Variants in WDFY4 observed in about 807,000 individuals in gnomAD.
The protein encoded by WDFY4 is WD repeat- and FYVE domain-containing protein 4.
WDFY4 carries 169 observed loss-of-function variants against 351.9 expected under a neutral mutation model. The observed-to-expected ratio is 0.48, with a 90% CI of 0.42 to 0.55. The LOEUF (loss-of-function observed/expected upper bound fraction) is 0.55, where lower values mean the gene tolerates loss of function less well. Ranked by LOEUF, WDFY4 falls within the 20% of genes least tolerant of loss-of-function variation. The pLI, the probability that WDFY4 is intolerant of heterozygous loss-of-function variation, is 0.00. For missense variants in WDFY4, 3,803 were observed against 3,935.6 expected (o/e 0.97, Z 0.90); for synonymous variants, 1,622 against 1,574.6 (o/e 1.03, Z -0.71).
chr10:48,819,455 G>A (rs973824238), intron 32 of WDFY4, among the ~76,000 whole-genome samples: 1 of 152,084 alleles, frequency 6.6e-6, no homozygotes. Flanking sequence ...AATTAAGAAC[G>A]GCCGCATTAA....
At chr10:48,687,447 A>G (rs188173692) in intron 1 of WDFY4, among the ~76,000 whole-genome samples, 88 of 152,180 alleles carry the variant, frequency 5.8e-4, no homozygotes, top group Middle Eastern at 3.4e-3. Context: ...TTATTCTCAT[A>G]TTATTTTCAA....
chr10:48,855,587 A>T (rs2133197704), intron 39 of WDFY4, among the ~76,000 whole-genome samples: 1 of 152,240 alleles, frequency 6.6e-6, no homozygotes, highest in South Asian at 2.1e-4. Context: ...TGGCTTATGT[A>T]TATTTTATCT....
chr10:48,936,238 C>T (rs1364540015), intron 47 of WDFY4, among the ~76,000 whole-genome samples: 2 of 151,952 alleles, frequency 1.3e-5, no homozygotes, highest in Non-Finnish European at 2.9e-5. Flanking sequence ...CTAACTATAA[C>T]ATTTTTTAAT....
At chr10:48,775,037 G>A (rs551945319) in intron 14 of WDFY4, among the ~76,000 whole-genome samples, 1 of 152,200 alleles carries the variant, frequency 6.6e-6, no homozygotes, top group East Asian at 1.9e-4. Flanking sequence ...TAGGGAGTTG[G>A]GCAGTAAGCA....
At chr10:48,726,195 T>G in intron 6 of WDFY4, 125 bp downstream of exon 6, 1 of 1,158,602 alleles carries the variant, frequency 8.6e-7, no homozygotes, top group South Asian at 1.7e-5. Context: ...TCTTATAGAA[T>G]TTTGGGACCA....
intron 47 of WDFY4, among the ~76,000 whole-genome samples, chr10:48,939,134 A>G (rs1158835615): frequency 6.6e-6 from 1 of 152,184 alleles, no homozygotes; most frequent in Non-Finnish European, 1.5e-5. Context: ...CAGGTTGCAC[A>G]ATTCTAAGGT....
chr10:48,728,435 A>C (rs534938756), intron 7 of WDFY4, among the ~76,000 whole-genome samples: 1 of 152,266 alleles, frequency 6.6e-6, no homozygotes, highest in Non-Finnish European at 1.5e-5. Flanking sequence ...GATCTTGGGG[A>C]AGCTGCTATA....
At chr10:48,963,781 C>T in intron 53 of WDFY4, 61 bp from the exon 54 acceptor site, 2 of 1,484,138 alleles carry the variant, frequency 1.3e-6, no homozygotes, top group South Asian at 2.5e-5. Flanking sequence ...CCAATCTGTG[C>T]AGCGAGTGCA....
chr10:48,717,068 C>T (rs184480857), intron 2 of WDFY4, among the ~76,000 whole-genome samples: 4 of 152,322 alleles, frequency 2.6e-5, no homozygotes, highest in Non-Finnish European at 5.9e-5. Flanking sequence ...TCTTAAACTC[C>T]GGCTAAGCCT....
At chr10:48,812,192 T>C (rs1334390792) in intron 30 of WDFY4, among the ~76,000 whole-genome samples, 1 of 148,670 alleles carries the variant, frequency 6.7e-6, no homozygotes, top group Non-Finnish European at 1.5e-5. Flanking sequence ...TTTTTTTTGT[T>C]TTTTTTGTTT....
intron 51 of WDFY4, among the ~76,000 whole-genome samples, chr10:48,947,971 G>A (rs1270775743): frequency 1.3e-5 from 2 of 152,168 alleles, no homozygotes; most frequent in Non-Finnish European, 2.9e-5. Flanking sequence ...GGTATCCCAA[G>A]AACTGTGAGT....
At chr10:48,878,656 A>G (rs2070125816) in intron 43 of WDFY4, 1 of 152,508 alleles carries the variant, frequency 6.6e-6, no homozygotes, top group Non-Finnish European at 1.5e-5. Context: ...GACCCCTGCA[A>G]CTGACTCTCT....
rs1427266198 is a variant in WDFY4 at position 48,967,914 on chromosome 10, A to T, written c.8585-1150A>T. 3 of 152,368 alleles carry T rather than the reference A, an allele frequency of 2.0e-5. No homozygotes were observed. In the East Asian group the frequency reaches 5.8e-4, roughly 29 times the overall value. 9.4% of individuals were successfully genotyped at this position (152,368 alleles called of 1,614,324 possible). On this transcript the variant is annotated intron_variant, in intron 55 of 61. Coordinates refer to ENST00000325239, the MANE Select transcript of WDFY4 (RefSeq NM_001394531.1). ...ACCCCACCCTGGTAGATAAGGTGCT[A>T]CTGCTCTTGGCTCTGGGGACCATGC...
At chr10:48,698,662 C>T (rs938035522) in intron 1 of WDFY4, among the ~76,000 whole-genome samples, 5 of 152,222 alleles carry the variant, frequency 3.3e-5, no homozygotes, top group African/African-American at 1.2e-4. Context: ...TGCTTTGCCT[C>T]ATGCTTCTAA....
intron 54 of WDFY4, among the ~76,000 whole-genome samples, chr10:48,964,315 A>T (rs1226488712): frequency 6.6e-6 from 1 of 152,236 alleles, no homozygotes; most frequent in Non-Finnish European, 1.5e-5. Context: ...ATATGTGGTA[A>T]CTAATTACTT....
intron 12 of WDFY4, among the ~76,000 whole-genome samples, chr10:48,748,466 C>CGT (rs968617381): frequency 6.6e-6 from 1 of 151,996 alleles, no homozygotes; most frequent in East Asian, 1.9e-4. Flanking sequence ...TGTGCACACA[C>CGT]GTGTGTGTGT....
At position 48,790,897 on chromosome 10, in the gene WDFY4, C is replaced by A; in HGVS notation, c.4237C>A (p.Gln1413Lys). 1 of 1,551,736 alleles carries A rather than the reference C, an allele frequency of 6.4e-7. No individual in the cohort carries two copies. The highest frequency in any genetic ancestry group is 1.2e-5 in the South Asian group (1 of 84,062). Reference sequence around the variant, plus strand: ...TAATGCCATGTGTGACTTCCTGATGCAACACATCTGTGGGTACCAGGTAAT... The same window carrying A: ...TAATGCCATGTGTGACTTCCTGATGAAACACATCTGTGGGTACCAGGTAAT... ...TSNAMCDFLMQHICGYQIMAF... is the reference protein window; with the variant it reads ...TSNAMCDFLMKHICGYQIMAF... The change falls in exon 23 of 62, where the codon CAA (glutamine) becomes AAA (lysine). Residue 1413 changes from glutamine (Q) to lysine (K), a missense_variant. Around this residue, in one of 3 missense-constraint regions of WDFY4, gnomAD observed 3,054 missense variants for 3,148.6 expected, o/e 0.97. Transcript: ENST00000325239.
Position 48,702,923 on chromosome 10 carries a change from G to T in WDFY4, c.-17-6793G>T, listed in dbSNP as rs535636614. The stretch of plus-strand genomic sequence containing the variant: ...ATTGCTTGTTGAAGACATACTAATT[G>T]GTGTGTCCTGGCATCTTGTTTTAAT... On this transcript the variant is annotated intron_variant, in intron 1 of 61. Coordinates refer to ENST00000325239, the MANE Select transcript of WDFY4 (RefSeq NM_001394531.1). Among the ~76,000 whole-genome samples, 17 of 152,194 alleles carry T rather than the reference G, an allele frequency of 1.1e-4. No individual in the cohort carries two copies. In the East Asian group the frequency reaches 1.9e-3, roughly 17 times the overall value.
At chr10:48,715,504 CAG>C (rs1352528330) in intron 2 of WDFY4, among the ~76,000 whole-genome samples, 1 of 152,188 alleles carries the variant, frequency 6.6e-6, no homozygotes, top group African/African-American at 2.4e-5. Context: ...GCCAATGGTG[CAG>C]AGTTTGTGAT....
Sources: allele counts gnomAD v4.1 joint callset (sites outside exome capture counted in the v4.1 genomes callset), GRCh38; gene constraint gnomAD v4.1.1; regional missense constraint gnomAD v4.1.1; transcripts MANE v1.5; gene names NCBI Gene and HGNC (gene_info 2026-07-23, HGNC 2026-07-21).